Variants in MED23 observed in about 807,000 individuals in gnomAD.
MED23 encodes the protein mediator complex subunit 23, also known as mediator of RNA polymerase II transcription subunit 23.
MED23 carries 105 observed loss-of-function variants against 163.9 expected under a neutral mutation model. The ratio of observed to expected loss-of-function variants is 0.64; its 90% confidence interval spans 0.55 to 0.75. The LOEUF (loss-of-function observed/expected upper bound fraction) is 0.75, where lower values mean the gene tolerates loss of function less well. Ranked by LOEUF, MED23 falls within the 30% of genes least tolerant of loss-of-function variation. The pLI, the probability that MED23 is intolerant of heterozygous loss-of-function variation, is 0.00. For missense variants in MED23, 1,054 were observed against 1,649.0 expected (o/e 0.64, Z 6.25); for synonymous variants, 561 against 565.6 (o/e 0.99, Z 0.12).
intron 11 of MED23, among the ~76,000 whole-genome samples, chr6:131,608,765 G>A (rs938187702): frequency 6.6e-6 from 1 of 152,140 alleles, no homozygotes; most frequent in African/African-American, 2.4e-5. Flanking sequence ...TGGTTGAAAG[G>A]ATTTTAACAA....
chr6:131,595,412 G>A (rs1241308927), intron 22 of MED23, among the ~76,000 whole-genome samples: 1 of 152,094 alleles, frequency 6.6e-6, no homozygotes, highest in Non-Finnish European at 1.5e-5. Context: ...CTGAAATAAT[G>A]TTTCCTATGC....
downstream of MED23, chr6:131,583,334 T>A: frequency 6.2e-7 from 1 of 1,614,114 alleles, no homozygotes; most frequent in East Asian, 2.2e-5. Flanking sequence ...TAAACTGAAA[T>A]CCTTTCCCAC....
At chr6:131,583,368 A>G, downstream of MED23, 9 of 1,614,192 alleles carry the variant, frequency 5.6e-6, no homozygotes, top group Non-Finnish European at 7.6e-6. Context: ...GAAAAGGCCA[A>G]TTCATCTAAG....
At chr6:131,583,007 G>A, downstream of MED23, 1 of 1,297,616 alleles carries the variant, frequency 7.7e-7, no homozygotes, top group Non-Finnish European at 1.1e-6. Context: ...AAAGGAGACA[G>A]GCGGGCACAG....
chr6:131,597,428 A>G lies in MED23; in HGVS notation c.2608-740T>C, dbSNP rs532808319. On this transcript the variant is annotated intron_variant, in intron 20 of 28. Transcript: ENST00000368068. ...AAGGCAGAGCTTGCAGTGAGCCAAC[A>G]TCACGCCACTGCACTCCAGCCTGGG... 4.7e-3 allele frequency among the ~76,000 whole-genome samples: 697 copies of G among 147,524 alleles called. 4 individuals carry two copies. Among genetic ancestry groups the G allele is most frequent in the Middle Eastern group, 0.011 (3 of 278 alleles).
At chr6:131,588,515 C>T (rs931768546) in intron 28 of MED23, among the ~76,000 whole-genome samples, 2 of 152,070 alleles carry the variant, frequency 1.3e-5, no homozygotes, top group East Asian at 1.9e-4. Context: ...AAAAAACAAA[C>T]AAATAAACAA....
chr6:131,599,539 C>T (rs1775312280), intron 18 of MED23, among the ~76,000 whole-genome samples: 1 of 152,150 alleles, frequency 6.6e-6, no homozygotes, highest in African/African-American at 2.4e-5. Flanking sequence ...TTTTCAGGTA[C>T]TATGTTAATT....
chr6:131,619,614 C>T (rs1357672024), intron 8 of MED23, among the ~76,000 whole-genome samples: 1 of 151,914 alleles, frequency 6.6e-6, no homozygotes, highest in African/African-American at 2.4e-5. Context: ...TTAAATGAAG[C>T]TTAAACCCAT....
chr6:131,584,363 A>AATAC (rs371339129), downstream of MED23: 2,011 of 158,392 alleles, frequency 0.013, 41 homozygotes, highest in African/African-American at 0.047. Context: ...AAATACATGC[A>AATAC]ACACACACAC....
In MED23 at chr6:131,608,081, A is replaced by T. The variant is rs779897311; in HGVS notation, c.1078-10T>A. ...GTCCTCGCCCTGCTAACTATAAAAGATGTTTAAATACACATGTATACACTG... is the reference window on the plus strand; with the variant it reads ...GTCCTCGCCCTGCTAACTATAAAAGTTGTTTAAATACACATGTATACACTG... On this transcript the variant is annotated splice_polypyrimidine_tract_variant and intron_variant, in intron 11 of 28. Coordinates refer to ENST00000368068, the MANE Select transcript of MED23 (RefSeq NM_004830.4). 2 of 1,613,474 alleles carry T rather than the reference A, an allele frequency of 1.2e-6. No homozygotes were observed. The highest frequency in any genetic ancestry group is 2.2e-5 in the South Asian group (2 of 91,076).
At chr6:131,612,304 C>T (rs535298598) in intron 10 of MED23, among the ~76,000 whole-genome samples, 23 of 151,150 alleles carry the variant, frequency 1.5e-4, no homozygotes, top group Admixed American at 7.9e-4. Flanking sequence ...AAAGAAAAGT[C>T]TGAGATACAA....
Position 131,615,721 on chromosome 6 carries a change from A to G in MED23, c.876+186T>C, listed in dbSNP as rs921418326. 90 of 650,234 alleles carry G rather than the reference A, an allele frequency of 1.4e-4. 1 individual carries two copies. The highest frequency in any genetic ancestry group is 1.0e-3 in the Middle Eastern group (3 of 2,914). The allele number at this position is 650,234 out of a possible 1,614,324, so 40.3% of individuals were successfully genotyped here. A position where few individuals can be genotyped will look rare whatever the true frequency, so the allele number is the denominator to read the frequency against. On this transcript the variant is annotated intron_variant, in intron 10 of 28. Transcript: ENST00000368068. The stretch of plus-strand genomic sequence containing the variant: ...CAACTTTAAAAATTTTTCTTTTTAA[A>G]TTTAAACATTCTTAAAGCAATATAT...
At chr6:131,618,312 C>T in intron 9 of MED23, 95 bp downstream of exon 9, 1 of 824,646 alleles carries the variant, frequency 1.2e-6, no homozygotes, top group Non-Finnish European at 2.1e-6. Flanking sequence ...TTTACTTCTT[C>T]AGATTATGAA....
intron 27 of MED23, among the ~76,000 whole-genome samples, 169 bp downstream of exon 27, chr6:131,590,153 C>T (rs1413643118): frequency 2.0e-5 from 3 of 152,176 alleles, no homozygotes; most frequent in Admixed American, 2.0e-4. Context: ...TACATCCCAC[C>T]CTAAATTCAT....
At chr6:131,619,238 A>C (rs1450492545) in intron 8 of MED23, among the ~76,000 whole-genome samples, 1 of 152,190 alleles carries the variant, frequency 6.6e-6, no homozygotes, top group Non-Finnish European at 1.5e-5. Context: ...CTAGAATAGC[A>C]CCTGGCTTAT....
At chr6:131,615,779 C>T (rs1776647041) in intron 10 of MED23, 128 bp downstream of exon 10, 1 of 711,106 alleles carries the variant, frequency 1.4e-6, no homozygotes, top group African/African-American at 1.8e-5. Context: ...TTTAAAAAAC[C>T]ATGTATATTT....
Position 131,606,724 on chromosome 6 carries a change from G to C in MED23, c.1222-100C>G, listed in dbSNP as rs75585946. 1.1e-3 allele frequency: 1,106 copies of C among 1,051,382 alleles called. 8 individuals are homozygous for C. In the African/African-American group the frequency reaches 0.014, roughly 14 times the overall value. The allele number at this position is 1,051,382 out of a possible 1,614,324, so 65.1% of individuals were successfully genotyped here. A position where few individuals can be genotyped will look rare whatever the true frequency, so the allele number is the denominator to read the frequency against. ...TCAATTTCTAATATAACTCTTTTTA[G>C]CATATCATGTCTTACTTTAGCCCCG... is the stretch of plus-strand genomic sequence containing the variant. On this transcript the variant is annotated intron_variant, in intron 12 of 28. Transcript: ENST00000368068.
At chr6:131,615,190 T>C in intron 10 of MED23, 3 of 812,440 alleles carry the variant, frequency 3.7e-6, no homozygotes, top group Non-Finnish European at 5.7e-6. Context: ...AATCGTTTTT[T>C]AGTGGCCTTG....
At chr6:131,595,720 GT>G (rs1371187632) in intron 22 of MED23, among the ~76,000 whole-genome samples, 7 of 152,066 alleles carry the variant, frequency 4.6e-5, no homozygotes, top group Non-Finnish European at 8.8e-5. Context: ...GCCAAGATCT[GT>G]TTAGTTTACA....
Sources: allele counts gnomAD v4.1 joint callset (sites outside exome capture counted in the v4.1 genomes callset), GRCh38; gene constraint gnomAD v4.1.1; transcripts MANE v1.5; gene names NCBI Gene and HGNC (gene_info 2026-07-23, HGNC 2026-07-21).